Variants in MIAT observed in about 807,000 individuals in gnomAD.
MIAT encodes the protein myocardial infarction associated transcript.
In MIAT at chr22:26,674,741, C is replaced by G. The variant is rs563560081; in HGVS notation, n.8409C>G. Reference sequence around the variant, plus strand: ...CCCGGAAGTGCCTGCCTGCCATCCTCTAGTGGCTGCCTTGCTCCATTTCAC... The same window carrying G: ...CCCGGAAGTGCCTGCCTGCCATCCTGTAGTGGCTGCCTTGCTCCATTTCAC... On this transcript the variant is annotated non_coding_transcript_exon_variant, in exon 5 of 5. Transcript: ENST00000613780. The G allele has an allele frequency of 1.5e-5, 6 of 398,668 alleles. No homozygotes were observed. The South Asian group carries it at 5.1e-4, about 34-fold the overall frequency. 24.7% of individuals were successfully genotyped at this position (398,668 alleles called of 1,614,324 possible).
intron 2 of MIAT, chr22:26,657,620 CCT>C (rs2146002529): frequency 5.0e-6 from 2 of 398,738 alleles, no homozygotes; most frequent in East Asian, 7.1e-5. Flanking sequence ...CACAAAGAGC[CCT>C]CTGCACTAGC....
At chr22:26,671,082 G>T (rs4280), downstream of MIAT, 176,871 of 398,122 alleles carry the variant, frequency 0.44, 39,863 homozygotes, top group South Asian at 0.49. Flanking sequence ...GGAGAGATGC[G>T]GGTGTGCGTG....
At chr22:26,653,509 A>G (rs554127666) in intron 2 of MIAT, among the ~76,000 whole-genome samples, 93 of 152,316 alleles carry the variant, frequency 6.1e-4, no homozygotes, top group African/African-American at 2.1e-3. Flanking sequence ...GCCTTTTCCC[A>G]TTCCTGTACG....
At chr22:26,652,196 G>T (rs560139006) in intron 2 of MIAT, among the ~76,000 whole-genome samples, 4 of 151,934 alleles carry the variant, frequency 2.6e-5, no homozygotes, top group Non-Finnish European at 5.9e-5. Flanking sequence ...CGGTGGAGCC[G>T]GGGGTCGATC....
downstream of MIAT, chr22:26,669,767 T>G (rs1930978694): frequency 2.5e-6 from 1 of 398,776 alleles, no homozygotes; most frequent in African/African-American, 2.1e-5. Context: ...GCAGGTACCA[T>G]GCTGGGGTGG....
At chr22:26,666,807 G>A (rs1569222419) in exon 4 of MIAT, 4 of 398,848 alleles carry the variant, frequency 1.0e-5, no homozygotes, top group Admixed American at 4.4e-5. Flanking sequence ...GCCTGGGGAG[G>A]GGGCCTGGGT....
chr22:26,671,656 AG>A, downstream of MIAT: 1 of 398,642 alleles, frequency 2.5e-6, no homozygotes, highest in Non-Finnish European at 4.4e-6. Context: ...GTTCCAGGAC[AG>A]AGAATGCAAA....
intron 2 of MIAT, among the ~76,000 whole-genome samples, chr22:26,655,450 T>C (rs1407373366): frequency 6.6e-6 from 1 of 152,196 alleles, no homozygotes; most frequent in Non-Finnish European, 1.5e-5. Context: ...ATAAACAATA[T>C]TCACAGAAAT....
chr22:26,669,674 G>C (rs928925127), downstream of MIAT: 3 of 399,128 alleles, frequency 7.5e-6, no homozygotes, highest in Non-Finnish European at 4.4e-6. Context: ...GAAAGTCAGA[G>C]CCTTCTCCCC....
downstream of MIAT, chr22:26,672,628 C>G: frequency 2.5e-6 from 1 of 399,086 alleles, no homozygotes; most frequent in Non-Finnish European, 4.4e-6. Flanking sequence ...TGTTAAGTGA[C>G]GGGGATAGAA....
At chr22:26,668,634 T>C (rs1400715597) in exon 6 of MIAT, 1 of 399,126 alleles carries the variant, frequency 2.5e-6, no homozygotes, top group African/African-American at 2.1e-5. Flanking sequence ...GGAACAAGGA[T>C]GGGAGTCGGG....
chr22:26,654,521 T>C (rs1930389467), intron 2 of MIAT, among the ~76,000 whole-genome samples: 1 of 152,056 alleles, frequency 6.6e-6, no homozygotes, highest in Admixed American at 6.5e-5. Flanking sequence ...ATATTTCCCT[T>C]TTTGTTTGTG....
chr22:26,649,440 G>A (rs557365899), intron 2 of MIAT, among the ~76,000 whole-genome samples: 10 of 152,302 alleles, frequency 6.6e-5, no homozygotes, highest in Middle Eastern at 3.4e-3. Flanking sequence ...ACCAGGCCCC[G>A]GGTGCTGCCC....
chr22:26,662,315 C>T (rs564391463), intron 2 of MIAT, among the ~76,000 whole-genome samples: 1 of 152,184 alleles, frequency 6.6e-6, no homozygotes, highest in South Asian at 2.1e-4. Flanking sequence ...TGTTTAGAAT[C>T]CTGGTTGCCT....
chr22:26,673,531 C>T (rs943289420), downstream of MIAT: 3 of 398,620 alleles, frequency 7.5e-6, no homozygotes, highest in African/African-American at 6.2e-5. Flanking sequence ...CTGGTCTGTT[C>T]CTTTCAGCAG....
chr22:26,661,936 A>ATGGATC (rs1204211458), intron 2 of MIAT, among the ~76,000 whole-genome samples: 1 of 30,568 alleles, frequency 3.3e-5, no homozygotes, highest in Non-Finnish European at 5.9e-5. Flanking sequence ...ATATATATAT[A>ATGGATC]TATATATATA....
chr22:26,676,098 G>C (rs1931252590), exon 5 of MIAT: 2 of 398,212 alleles, frequency 5.0e-6, no homozygotes, highest in Non-Finnish European at 8.9e-6. Flanking sequence ...CTCCCAATCC[G>C]AACAGGTGTT....
At chr22:26,676,414 C>T (rs1229291942) in exon 5 of MIAT, 2 of 398,516 alleles carry the variant, frequency 5.0e-6, no homozygotes, top group African/African-American at 4.1e-5. Flanking sequence ...TTGTTTTCAT[C>T]CATGAATGTA....
At chr22:26,669,143 C>T (rs892537755) in exon 6 of MIAT, 3 of 398,504 alleles carry the variant, frequency 7.5e-6, no homozygotes, top group Non-Finnish European at 1.3e-5. Context: ...AATTCCAGCT[C>T]CCTCCAGAGG....
Sources: gnomAD v4.1 joint callset for allele counts (sites outside exome capture counted in the v4.1 genomes callset) on GRCh38, gnomAD v4.1.1 for gene constraint, MANE v1.5 for transcripts, NCBI Gene and HGNC (gene_info 2026-07-23, HGNC 2026-07-21) for gene names.